ZBTB25: variants seen among roughly 807,000 people sequenced by gnomAD.
The protein encoded by ZBTB25 is zinc finger and BTB domain-containing protein 25.
ZBTB25 carries 20 observed loss-of-function variants against 34.2 expected under a neutral mutation model. That is an observed-to-expected ratio of 0.58 (90% CI 0.41 to 0.85). The LOEUF is 0.85. Among genes scored for constraint, ZBTB25 ranks in the 40% least tolerant of loss-of-function variants. The pLI is 0.00. For missense variants in ZBTB25, 437 were observed against 521.8 expected, an observed-to-expected ratio of 0.84 and a Z score of 1.58; for synonymous variants, 175 against 186.4, an observed-to-expected ratio of 0.94 and a Z score of 0.50.
At chr14:64,498,443 A>G (rs2079358814) in intron 1 of ZBTB25, among the ~76,000 whole-genome samples, 1 of 150,414 alleles carries the variant, frequency 6.6e-6, no homozygotes, top group Non-Finnish European at 1.5e-5. Context: ...CCTCCTGAGT[A>G]GCTGGGATTA....
At chr14:64,457,029 G>A (rs1035607382) in intron 2 of ZBTB25, among the ~76,000 whole-genome samples, 8 of 152,152 alleles carry the variant, frequency 5.3e-5, no homozygotes, top group African/African-American at 7.2e-5. Flanking sequence ...TGTCAAAGCC[G>A]AGTCTTTAGA....
intron 2 of ZBTB25, chr14:64,460,972 G>C (rs1463985128): frequency 6.6e-6 from 1 of 152,326 alleles, no homozygotes; most frequent in African/African-American, 2.4e-5. Context: ...GTTGCAGTGA[G>C]CCAGGATCAT....
At chr14:64,468,662 A>C in intron 2 of ZBTB25, 1 of 1,614,030 alleles carries the variant, frequency 6.2e-7, no homozygotes, top group Non-Finnish European at 8.5e-7. Flanking sequence ...AACACGCAGG[A>C]AAAGGTCAGA....
rs1277870054 is a variant in ZBTB25 at position 64,482,692 on chromosome 14, C to T, written c.*4231G>A. ...GTTTCTAGTTATTTGTAAAAAATAA[C>T]AATGAGTTCTGTCAATTAGTTATTG... On this transcript the variant is annotated 3_prime_UTR_variant, in exon 3 of 3. Coordinates refer to ENST00000608382, the MANE Select transcript of ZBTB25 (RefSeq NM_006977.5). The T allele has an allele frequency of 1.3e-5, 2 of 152,112 alleles. No homozygotes were observed. Among genetic ancestry groups the T allele is most frequent in the African/African-American group, 4.8e-5 (2 of 41,408 alleles). 9.4% of individuals were successfully genotyped at this position (152,112 alleles called of 1,614,324 possible). A position where few individuals can be genotyped will look rare whatever the true frequency, so the allele number is the denominator to read the frequency against.
At chr14:64,476,675 G>A (rs375562422), downstream of ZBTB25, among the ~76,000 whole-genome samples, 4 of 152,024 alleles carry the variant, frequency 2.6e-5, no homozygotes, top group African/African-American at 2.4e-5. Context: ...GAACTGCCTC[G>A]TACTCTATAT....
intron 2 of ZBTB25, chr14:64,455,240 C>A (rs766452499): frequency 2.4e-5 from 7 of 291,590 alleles, no homozygotes; most frequent in South Asian, 2.2e-4. Context: ...TTAACTCAGT[C>A]CCCCCACAGC....
At chr14:64,464,704 C>G (rs188715806) in intron 2 of ZBTB25, among the ~76,000 whole-genome samples, 2 of 152,324 alleles carry the variant, frequency 1.3e-5, no homozygotes, top group African/African-American at 4.8e-5. Context: ...CTAGATTTTA[C>G]AGCTGGAGCT....
upstream of ZBTB25, chr14:64,503,882 T>G (rs1215927587): frequency 1.3e-5 from 2 of 152,226 alleles, no homozygotes; most frequent in African/African-American, 4.8e-5. Context: ...CGTGCGTACG[T>G]GCGCGCCCTC....
At chr14:64,473,701 T>C (rs2141007618), downstream of ZBTB25, 2 of 167,174 alleles carry the variant, frequency 1.2e-5, 1 homozygote, top group South Asian at 4.1e-4. Context: ...GTCAACTTTA[T>C]TGAAATATGT....
At chr14:64,476,374 G>A (rs769710574), downstream of ZBTB25, among the ~76,000 whole-genome samples, 9 of 152,226 alleles carry the variant, frequency 5.9e-5, no homozygotes, top group Non-Finnish European at 1.2e-4. Flanking sequence ...TGCCTAGGCC[G>A]GAGTGCAGTG....
upstream of ZBTB25, chr14:64,505,175 C>T (rs929999699): frequency 7.8e-5 from 26 of 331,820 alleles, no homozygotes; most frequent in Non-Finnish European, 1.3e-4. Flanking sequence ...GGAGGCGAAG[C>T]CCCTACGGAG....
chr14:64,493,246 A>T (rs760652671), intron 1 of ZBTB25, among the ~76,000 whole-genome samples: 2 of 152,242 alleles, frequency 1.3e-5, no homozygotes, highest in Non-Finnish European at 2.9e-5. Context: ...GGGAGAACAG[A>T]GCGTGGTAGT....
intron 1 of ZBTB25, among the ~76,000 whole-genome samples, chr14:64,496,814 T>C (rs935203557): frequency 2.0e-5 from 3 of 152,216 alleles, no homozygotes; most frequent in African/African-American, 7.2e-5. Context: ...GAGATCCTTA[T>C]TGACCCATGA....
chr14:64,485,431 C>T lies in ZBTB25; in HGVS notation c.*1492G>A. The T allele has an allele frequency of 1.0e-6, 1 of 985,384 alleles. No individual in the cohort carries two copies. The highest frequency in any genetic ancestry group is 1.2e-6 in the Non-Finnish European group (1 of 829,892). The allele number at this position is 985,384 out of a possible 1,614,324, so 61.0% of individuals were successfully genotyped here. On this transcript the variant is annotated 3_prime_UTR_variant, in exon 3 of 3. Transcript: ENST00000608382. ...GTTTGAAATTTAAACATTTCAGAAA[C>T]AATTTAGATCTATCCTTTGTGGTGA...
At chr14:64,489,666 GCTGGGA>G (rs1163863720) in intron 2 of ZBTB25, among the ~76,000 whole-genome samples, 1 of 151,212 alleles carries the variant, frequency 6.6e-6, no homozygotes, top group Non-Finnish European at 1.5e-5. Context: ...CTCCCGAGTA[GCTGGGA>G]CTACAGGCGC....
chr14:64,451,343 A>T (rs1181015282), intron 2 of ZBTB25, among the ~76,000 whole-genome samples: 2 of 152,072 alleles, frequency 1.3e-5, no homozygotes, highest in African/African-American at 4.8e-5. Flanking sequence ...TTAATAGATA[A>T]TCATAGACTT....
In ZBTB25 at chr14:64,487,852, T is replaced by C; in HGVS notation, c.379A>G (p.Asn127Asp). The change falls in exon 3 of 3, where the codon AAT (asparagine) becomes GAT (aspartate). Residue 127 changes from asparagine (N) to aspartate (D), a missense_variant. Asn to Asp is a conservative substitution (Grantham distance 23). Coordinates refer to ENST00000608382, the MANE Select transcript of ZBTB25 (RefSeq NM_006977.5). ...GTTGAGATCTGAATGCCATATAAATTTGAGGACTGCACAGTCTCTGGTGAG... is the reference window on the plus strand; with the variant it reads ...GTTGAGATCTGAATGCCATATAAATCTGAGGACTGCACAGTCTCTGGTGAG... ...VFSPETVQSS[N>D]LYGIQISTTQ... 1 of 1,614,202 alleles carries C rather than the reference T, an allele frequency of 6.2e-7. No homozygotes were observed.
intron 1 of ZBTB25, chr14:64,503,001 G>T: frequency 1.0e-6 from 1 of 985,458 alleles, no homozygotes; most frequent in South Asian, 4.7e-5. Flanking sequence ...GGCGCTAACT[G>T]TTGAAACATG....
intron 2 of ZBTB25, chr14:64,449,680 T>G: frequency 2.2e-5 from 34 of 1,578,702 alleles, no homozygotes; most frequent in Non-Finnish European, 2.9e-5. Context: ...CAGTGAAGTT[T>G]CTGTGTGGCT....
Sources: allele counts gnomAD v4.1 joint callset (sites outside exome capture counted in the v4.1 genomes callset), GRCh38; gene constraint gnomAD v4.1.1; transcripts MANE v1.5; gene names NCBI Gene and HGNC (gene_info 2026-07-23, HGNC 2026-07-21).